ZNF638: variants seen among roughly 807,000 people sequenced by gnomAD.
The protein encoded by ZNF638 is CTCL tumor antigen se33-1.
ZNF638 carries 46 observed loss-of-function variants against 195.6 expected under a neutral mutation model. That is an observed-to-expected ratio of 0.24 (90% CI 0.19 to 0.30). The LOEUF is 0.30. Ranked by LOEUF, ZNF638 falls within the 10% of genes least tolerant of loss-of-function variation. The pLI is 1.00. For synonymous variants in ZNF638, 845 were observed against 772.0 expected, an observed-to-expected ratio of 1.09 and a Z score of -1.57; for missense variants, 2,440 against 2,325.3, an observed-to-expected ratio of 1.05 and a Z score of -1.01.
intron 8 of ZNF638, chr2:71,379,703 G>A (rs2670714): frequency 0.16 from 24,223 of 152,036 alleles, 2,428 homozygotes; most frequent in East Asian, 0.58. Context: ...TTGACAGACC[G>A]TATTCACGTA....
intron 5 of ZNF638, among the ~76,000 whole-genome samples, chr2:71,364,540 G>A (rs2670755): frequency 0.16 from 24,350 of 152,068 alleles, 2,457 homozygotes; most frequent in East Asian, 0.57. Context: ...ATGTTTTTGA[G>A]ATTATTTTTT....
intron 10 of ZNF638, among the ~76,000 whole-genome samples, chr2:71,393,852 A>G (rs10181148): frequency 0.097 from 14,828 of 152,178 alleles, 801 homozygotes; most frequent in South Asian, 0.13. Flanking sequence ...TTAATGGCAC[A>G]CATTGGACTA....
chr2:71,399,817 C>G (rs1243147170), intron 13 of ZNF638, among the ~76,000 whole-genome samples, 172 bp downstream of exon 13: 1 of 152,090 alleles, frequency 6.6e-6, no homozygotes, highest in Non-Finnish European at 1.5e-5. Context: ...AGTTATTTTT[C>G]CTGATCCTCT....
chr2:71,357,130 T>C (rs1205123842), intron 3 of ZNF638, among the ~76,000 whole-genome samples: 1 of 152,158 alleles, frequency 6.6e-6, no homozygotes, highest in Non-Finnish European at 1.5e-5. Flanking sequence ...TATATGCCTC[T>C]CCCATCTGAC....
chr2:71,400,415 G>A, intron 14 of ZNF638, 63 bp from the exon 15 acceptor site: 1 of 1,487,338 alleles, frequency 6.7e-7, no homozygotes, highest in Non-Finnish European at 9.2e-7. Context: ...TTAACCTATT[G>A]TGGAATAAAG....
At position 71,350,403 on chromosome 2, in the gene ZNF638, T is replaced by C. The variant is rs868562292; in HGVS notation, c.1317+132T>C. Reference sequence around the variant, plus strand: ...AAGGTAATTTTAATTGCAACCTCAATACATAGTTGTAATCTTAAGTAGCCC... The same window carrying C: ...AAGGTAATTTTAATTGCAACCTCAACACATAGTTGTAATCTTAAGTAGCCC... On this transcript the variant is annotated intron_variant, in intron 2 of 27. Transcript: ENST00000264447. 5.5e-5 allele frequency: 50 copies of C among 901,984 alleles called. 2 individuals are homozygous for C. In the Middle Eastern group the frequency reaches 3.5e-3, roughly 63 times the overall value. The allele number at this position is 901,984 out of a possible 1,614,324, so 55.9% of individuals were successfully genotyped here. A position where few individuals can be genotyped will look rare whatever the true frequency, so the allele number is the denominator to read the frequency against.
chr2:71,356,384 A>G (rs930945350), intron 3 of ZNF638, among the ~76,000 whole-genome samples: 1 of 152,206 alleles, frequency 6.6e-6, no homozygotes, highest in African/African-American at 2.4e-5. Context: ...ACATCAAATT[A>G]AACTCTGTCT....
At chr2:71,359,052 A>G (rs1192085068) in intron 3 of ZNF638, among the ~76,000 whole-genome samples, 1 of 152,184 alleles carries the variant, frequency 6.6e-6, no homozygotes, top group Non-Finnish European at 1.5e-5. Context: ...TTGCACTGGG[A>G]AACCAAAAAA....
chr2:71,419,463 A>G (rs377388279), intron 21 of ZNF638, among the ~76,000 whole-genome samples: 1 of 152,324 alleles, frequency 6.6e-6, no homozygotes, highest in South Asian at 2.1e-4. Context: ...TCCCTGAAAA[A>G]CAGAACGTCT....
intron 1 of ZNF638, among the ~76,000 whole-genome samples, chr2:71,347,692 G>C (rs773296474): frequency 6.6e-6 from 1 of 152,192 alleles, no homozygotes; most frequent in Non-Finnish European, 1.5e-5. Context: ...CCTTGGTCCT[G>C]AATGGTAGCT....
At chr2:71,395,532 C>T in intron 10 of ZNF638, 2 of 615,364 alleles carry the variant, frequency 3.3e-6, no homozygotes, top group Non-Finnish European at 5.8e-6. Context: ...AGGAATTTAT[C>T]TAGACGAGTT....
chr2:71,411,967 TTA>T (rs1379822160), intron 20 of ZNF638, among the ~76,000 whole-genome samples: 1 of 99,030 alleles, frequency 1.0e-5, no homozygotes, highest in Non-Finnish European at 2.0e-5. Flanking sequence ...GCAGCATGAT[TTA>T]TAGTCCTTTG....
chr2:71,400,070 T>G, intron 13 of ZNF638, 42 bp from the exon 14 acceptor site: 1 of 1,464,826 alleles, frequency 6.8e-7, no homozygotes, highest in Non-Finnish European at 9.3e-7. Flanking sequence ...TTTAATTATA[T>G]TAGTGTTTTA....
chr2:71,380,480 A>G, intron 9 of ZNF638, 33 bp from the exon 10 acceptor site: 1 of 1,563,824 alleles, frequency 6.4e-7, no homozygotes, highest in South Asian at 1.2e-5. Context: ...AGAATTCCTA[A>G]GTTGCTGCTA....
At chr2:71,378,729 A>G (rs889550565) in intron 8 of ZNF638, among the ~76,000 whole-genome samples, 7 of 152,246 alleles carry the variant, frequency 4.6e-5, no homozygotes, top group Non-Finnish European at 2.9e-5. Context: ...TCAGTAAGTT[A>G]GTTGGGGAAG....
chr2:71,388,621 A>G (rs2079698546), intron 10 of ZNF638: 1 of 809,132 alleles, frequency 1.2e-6, no homozygotes, highest in Non-Finnish European at 2.2e-6. Flanking sequence ...TCGCTCGGCC[A>G]GAGTCGGTGG....
chr2:71,346,343 A>G (rs1266961104), intron 1 of ZNF638, among the ~76,000 whole-genome samples: 4 of 152,216 alleles, frequency 2.6e-5, no homozygotes, highest in Non-Finnish European at 5.9e-5. Context: ...GGTAGGCACA[A>G]TTTCATATGA....
At chr2:71,431,294 T>A in intron 25 of ZNF638, 33 bp from the exon 26 acceptor site, 1 of 1,568,824 alleles carries the variant, frequency 6.4e-7, no homozygotes. Flanking sequence ...GTAAATCTAT[T>A]CTGAATAGCT....
At chr2:71,360,870 G>A (rs1163619417) in intron 3 of ZNF638, among the ~76,000 whole-genome samples, 1 of 152,126 alleles carries the variant, frequency 6.6e-6, no homozygotes, top group African/African-American at 2.4e-5. Flanking sequence ...GACTAGTTGG[G>A]CAGTATAGAG....
Sources: gnomAD v4.1 joint callset for allele counts (sites outside exome capture counted in the v4.1 genomes callset) on GRCh38, gnomAD v4.1.1 for gene constraint, MANE v1.5 for transcripts, NCBI Gene and HGNC (gene_info 2026-07-23, HGNC 2026-07-21) for gene names.